Variants in GALNT17 observed in about 807,000 individuals in gnomAD.
GALNT17 encodes polypeptide N-acetylgalactosaminyltransferase 17.
Under a neutral mutation model 63.7 loss-of-function variants are expected in GALNT17, and 29 were observed. The observed-to-expected ratio is 0.46, with a 90% confidence interval of 0.34 to 0.62. The LOEUF (loss-of-function observed/expected upper bound fraction) is 0.62, where lower values mean the gene tolerates loss of function less well. GALNT17 is among the 20% of genes least tolerant of loss of function. GALNT17 has a pLI of 0.01. For missense variants in GALNT17, 603 were observed against 799.6 expected (o/e 0.75, Z 2.97); for synonymous variants, 305 against 318.3 (o/e 0.96, Z 0.45).
At position 71,443,708 on chromosome 7, in the gene GALNT17, T is replaced by C. The variant is rs113870614; in HGVS notation, c.962+22603T>C. On this transcript the variant is annotated intron_variant, in intron 5 of 10. Coordinates refer to ENST00000333538, the MANE Select transcript of GALNT17 (RefSeq NM_022479.3). ...CAGATAAACCTCTATTCTTCATAAA[T>C]TACCTAGTCTGAGGTGTTCCTTTTT... is the stretch of plus-strand genomic sequence containing the variant. Among the ~76,000 whole-genome samples the C allele has an allele frequency of 5.2e-3, 790 of 151,694 alleles. 9 individuals are homozygous for C. Among genetic ancestry groups the C allele is most frequent in the African/African-American group, 0.018 (753 of 41,410 alleles).
At chr7:71,531,546 T>C (rs1788721281) in intron 5 of GALNT17, among the ~76,000 whole-genome samples, 1 of 152,240 alleles carries the variant, frequency 6.6e-6, no homozygotes, top group South Asian at 2.1e-4. Flanking sequence ...ACTATGTGCC[T>C]GACACTATTC....
At chr7:71,531,353 A>G (rs1788718002) in intron 5 of GALNT17, among the ~76,000 whole-genome samples, 1 of 152,194 alleles carries the variant, frequency 6.6e-6, no homozygotes, top group Non-Finnish European at 1.5e-5. Flanking sequence ...CCCCCTTAGC[A>G]AATATTCAAT....
At chr7:71,633,123 A>G (rs1047538105) in intron 6 of GALNT17, among the ~76,000 whole-genome samples, 2 of 151,538 alleles carry the variant, frequency 1.3e-5, no homozygotes, top group East Asian at 3.9e-4. Flanking sequence ...AAAAAAAAAA[A>G]AAGAAGGTTG....
rs187015659 is a variant in GALNT17 at position 71,616,056 on chromosome 7, G to A, written c.1080+44654G>A. Reference sequence around the variant, plus strand: ...CTTAGTTGGGCGAGACTGAGTGTCTGTAAGATTGAACCAATGTGCCTATAG... The same window carrying A: ...CTTAGTTGGGCGAGACTGAGTGTCTATAAGATTGAACCAATGTGCCTATAG... On this transcript the variant is annotated intron_variant, in intron 6 of 10. Transcript: ENST00000333538. Among the ~76,000 whole-genome samples the A allele has an allele frequency of 2.7e-5, 4 of 148,574 alleles. No individual in the cohort carries two copies. In the East Asian group the frequency reaches 8.5e-4, roughly 31 times the overall value.
At chr7:71,220,247 C>G (rs1008728984) in intron 1 of GALNT17, among the ~76,000 whole-genome samples, 1 of 152,124 alleles carries the variant, frequency 6.6e-6, no homozygotes, top group African/African-American at 2.4e-5. Flanking sequence ...CTGGATGGAG[C>G]GGGTGAGCTC....
At chr7:71,487,893 C>T (rs1787939390) in intron 5 of GALNT17, among the ~76,000 whole-genome samples, 1 of 152,066 alleles carries the variant, frequency 6.6e-6, no homozygotes, top group African/African-American at 2.4e-5. Flanking sequence ...TGGAGCCGGG[C>T]ATGGTAGCTC....
chr7:71,663,414 G>A (rs1435440187), intron 6 of GALNT17, among the ~76,000 whole-genome samples: 2 of 152,118 alleles, frequency 1.3e-5, no homozygotes, highest in African/African-American at 4.8e-5. Flanking sequence ...TTGAAATTCA[G>A]CCGCCTTGTT....
intron 1 of GALNT17, among the ~76,000 whole-genome samples, chr7:71,264,092 C>T (rs1420883054): frequency 6.6e-6 from 1 of 152,154 alleles, no homozygotes; most frequent in Non-Finnish European, 1.5e-5. Context: ...TGGCTCTCAG[C>T]AGGCCCTCCT....
At chr7:71,428,405 G>C (rs1033060798) in intron 5 of GALNT17, among the ~76,000 whole-genome samples, 1 of 151,662 alleles carries the variant, frequency 6.6e-6, no homozygotes, top group African/African-American at 2.4e-5. Flanking sequence ...GTTCATTCAT[G>C]CATCAGAAAT....
chr7:71,203,771 C>T (rs1477192376), intron 1 of GALNT17, among the ~76,000 whole-genome samples: 1 of 152,106 alleles, frequency 6.6e-6, no homozygotes, highest in Non-Finnish European at 1.5e-5. Flanking sequence ...GAAGGAGGAG[C>T]AAATGAGAGA....
intron 5 of GALNT17, among the ~76,000 whole-genome samples, chr7:71,530,338 A>G (rs975515104): frequency 1.1e-4 from 17 of 152,172 alleles, no homozygotes; most frequent in African/African-American, 3.9e-4. Context: ...GCAACAACAC[A>G]CACACACACG....
intron 1 of GALNT17, among the ~76,000 whole-genome samples, chr7:71,142,247 T>C (rs1787910907): frequency 6.6e-6 from 1 of 152,114 alleles, no homozygotes; most frequent in Admixed American, 6.6e-5. Context: ...GTTATTTGCT[T>C]TGTGAATGTC....
At chr7:71,304,496 G>A (rs1285184903) in intron 1 of GALNT17, among the ~76,000 whole-genome samples, 1 of 152,056 alleles carries the variant, frequency 6.6e-6, no homozygotes, top group African/African-American at 2.4e-5. Flanking sequence ...TGATGACAGC[G>A]CTGCATGCAT....
rs566255658 is a variant in GALNT17, at chr7:71,475,039, G to A, written c.962+53934G>A. 5.3e-5 allele frequency among the ~76,000 whole-genome samples: 8 copies of A among 152,104 alleles called. No individual in the cohort carries two copies. The East Asian group carries it at 1.6e-3, about 30-fold the overall frequency. ...GAGGCAATGAATGGCCTCTCCCCTG[G>A]AGCATTCAGAGGGAACATGATCCTG... On this transcript the variant is annotated intron_variant, in intron 5 of 10. Coordinates refer to ENST00000333538, the MANE Select transcript of GALNT17 (RefSeq NM_022479.3).
At chr7:71,267,183 G>T (rs1790505866) in intron 1 of GALNT17, among the ~76,000 whole-genome samples, 1 of 152,210 alleles carries the variant, frequency 6.6e-6, no homozygotes, top group Admixed American at 6.5e-5. Context: ...CACCATGCAA[G>T]GTGCCTGTCC....
At chr7:71,665,223 C>T (rs1253212462) in intron 6 of GALNT17, among the ~76,000 whole-genome samples, 188 bp from the exon 7 acceptor site, 1 of 152,164 alleles carries the variant, frequency 6.6e-6, no homozygotes, top group Non-Finnish European at 1.5e-5. Context: ...GTGATCTGCC[C>T]ACCTCAGCCT....
chr7:71,587,596 T>G (rs1051230903), intron 6 of GALNT17, among the ~76,000 whole-genome samples: 15 of 152,152 alleles, frequency 9.9e-5, no homozygotes, highest in African/African-American at 3.6e-4. Flanking sequence ...TATTTTCTTC[T>G]AGAAAGTTTA....
intron 5 of GALNT17, among the ~76,000 whole-genome samples, chr7:71,541,667 C>G (rs1038046054): frequency 6.6e-6 from 1 of 152,150 alleles, no homozygotes; most frequent in African/African-American, 2.4e-5. Context: ...CAGAGACCCC[C>G]TTCCACCTGT....
intron 5 of GALNT17, among the ~76,000 whole-genome samples, chr7:71,426,398 T>C (rs1786761645): frequency 6.6e-6 from 1 of 152,238 alleles, no homozygotes; most frequent in African/African-American, 2.4e-5. Context: ...TTCTTAAATC[T>C]GCTGTCTTAA....
Sources: allele counts gnomAD v4.1 joint callset (sites outside exome capture counted in the v4.1 genomes callset), GRCh38; gene constraint gnomAD v4.1.1; transcripts MANE v1.5; gene names NCBI Gene and HGNC (gene_info 2026-07-23, HGNC 2026-07-21).